The following PITX1 variants were observed in gnomAD, a reference collection of about 807,000 sequenced individuals.
The protein encoded by PITX1 is pituitary homeobox 1.
Under a neutral mutation model 24.1 loss-of-function variants are expected in PITX1, and 5 were observed. The ratio of observed to expected loss-of-function variants is 0.21; its 90% CI spans 0.11 to 0.44. The LOEUF is 0.44. Among genes scored for constraint, PITX1 ranks in the 20% least tolerant of loss-of-function variants. The pLI, the probability that PITX1 is intolerant of heterozygous loss-of-function variation, is 0.99. For missense variants in PITX1, 401 were observed against 455.4 expected (o/e 0.88, Z 1.09); for synonymous variants, 213 against 208.9 (o/e 1.02, Z -0.17).
At position 135,028,724 on chromosome 5, in the gene PITX1, C is replaced by T. The variant is rs1752394951; in HGVS notation, c.*55G>A. On this transcript the variant is annotated 3_prime_UTR_variant, in exon 3 of 3. Transcript: ENST00000265340. The stretch of plus-strand genomic sequence containing the variant: ...GGGCCCCGCGTGCGTCCTCCGCGCC[C>T]GCGCCCGCGCCCTTCCCCGCTCCGG... The T allele has an allele frequency of 2.3e-6, 3 of 1,278,532 alleles. No individual in the cohort carries two copies. The highest frequency in any genetic ancestry group is 2.0e-6 in the Non-Finnish European group (2 of 1,006,196). The allele number at this position is 1,278,532 out of a possible 1,614,324, so 79.2% of individuals were successfully genotyped here. A position where few individuals can be genotyped will look rare whatever the true frequency, so the allele number is the denominator to read the frequency against.
At position 135,031,287 on chromosome 5, in the gene PITX1, G is replaced by A. The variant is rs1200875885; in HGVS notation, c.391C>T (p.Pro131Ser). The part of the protein sequence containing the change: ...EIAVWTNLTE[P>S]RVRVWFKNRR... ...CACCCCTTGCTCACCCGCACGCGCG[G>A]CTCGGTGAGGTTGGTCCACACGGCG... The change falls in exon 2 of 3, where the codon CCG becomes TCG. Residue 131 changes from proline to serine, a missense_variant. Pro to Ser is a moderately conservative substitution (Grantham distance 74, BLOSUM62 -1). Coordinates refer to ENST00000265340, the MANE Select transcript of PITX1 (RefSeq NM_002653.5). 5 of 1,613,808 alleles carry A rather than the reference G, an allele frequency of 3.1e-6. No homozygotes were observed. Among genetic ancestry groups the A allele is most frequent in the African/African-American group, 2.7e-5 (2 of 74,936 alleles).
chr5:135,033,836 C>G lies in PITX1; in HGVS notation c.46G>C (p.Gly16Arg). The change falls in exon 1 of 3, where the codon GGG (glycine) becomes CGG (arginine). Residue 16 changes from glycine (G) to arginine (R), a missense_variant. By Grantham distance (125) the Gly-to-Arg change is moderately radical. Transcript: ENST00000265340. This position sits in a 1 kb window ranked among gnomAD's most constrained non-coding sequence, Gnocchi z 5.9. Reference sequence around the variant, plus strand: ...GGTGGCGGCGGCGGCGGCCGGAGCCCCTCCGGCAGCCGCTCCAGGCTCATG... The same window carrying G: ...GGTGGCGGCGGCGGCGGCCGGAGCCGCTCCGGCAGCCGCTCCAGGCTCATG... ...GGMSLERLPE[G>R]LRPPPPPPHD... 6.6e-7 allele frequency: 1 copy of G among 1,516,668 alleles called. No homozygotes were observed. The allele number at this position is 1,516,668 out of a possible 1,614,324, so 94.0% of individuals were successfully genotyped here.
intron 1 of PITX1, 78 bp from the exon 2 acceptor site, chr5:135,031,586 C>T: frequency 8.5e-7 from 1 of 1,177,386 alleles, no homozygotes; most frequent in Non-Finnish European, 1.2e-6. Flanking sequence ...CCGAACCGCT[C>T]GCCACCAGCG....
chr5:135,032,417 G>C (rs1752470161), intron 1 of PITX1, among the ~76,000 whole-genome samples: 1 of 152,112 alleles, frequency 6.6e-6, no homozygotes, highest in South Asian at 2.1e-4. Context: ...TTCCCAATAA[G>C]GCCCTTGTAG....
chr5:135,034,313 G>A (rs1410915555), upstream of PITX1: 1 of 151,756 alleles, frequency 6.6e-6, no homozygotes. Flanking sequence ...AGGGGGCTGG[G>A]GAGGGAGCGA....
Position 135,033,563 on chromosome 5 carries a change from A to G in PITX1, c.169+150T>C. The G allele has an allele frequency of 1.3e-6, 1 of 792,554 alleles. No homozygotes were observed. The highest frequency in any genetic ancestry group is 2.0e-6 in the Non-Finnish European group (1 of 502,870). 49.1% of individuals were successfully genotyped at this position (792,554 alleles called of 1,614,324 possible). A position where few individuals can be genotyped will look rare whatever the true frequency, so the allele number is the denominator to read the frequency against. On this transcript the variant is annotated intron_variant, in intron 1 of 2. Transcript: ENST00000265340. This position sits in a 1 kb window ranked among gnomAD's most constrained non-coding sequence, Gnocchi z 5.9. The stretch of plus-strand genomic sequence containing the variant: ...TGCGTAAGTTTCCGCGTTCACCGTC[A>G]GGTCGAGAACGGGAAAAAGAAAGCT...
Position 135,033,544 on chromosome 5 carries a change from A to T in PITX1, c.169+169T>A. 1.4e-6 allele frequency: 1 copy of T among 700,558 alleles called. No individual in the cohort carries two copies. Among genetic ancestry groups the T allele is most frequent in the Non-Finnish European group, 2.3e-6 (1 of 426,638 alleles). 43.4% of individuals were successfully genotyped at this position (700,558 alleles called of 1,614,324 possible). A position where few individuals can be genotyped will look rare whatever the true frequency, so the allele number is the denominator to read the frequency against. Reference sequence around the variant, plus strand: ...GTGGAAGTGCCTTCGCGTGTGCGTAAGTTTCCGCGTTCACCGTCAGGTCGA... The same window carrying T: ...GTGGAAGTGCCTTCGCGTGTGCGTATGTTTCCGCGTTCACCGTCAGGTCGA... On this transcript the variant is annotated intron_variant, in intron 1 of 2. Transcript: ENST00000265340. This position sits in a 1 kb window ranked among gnomAD's most constrained non-coding sequence, Gnocchi z 5.9.
rs1165079192 is a variant in PITX1 at position 135,028,670 on chromosome 5, CGGCGCGGTGAGCTGG to C, written c.*94_*108del. ...GGGGGCTGCGCAGGTGTGAGGTCCGCGGCGCGGTGAGCTGGGGCTTGCGAGCCGGGGCCCCGCGTG... is the reference window on the plus strand; with the variant it reads ...GGGGGCTGCGCAGGTGTGAGGTCCGCGGCTTGCGAGCCGGGGCCCCGCGTG... On this transcript the variant is annotated 3_prime_UTR_variant, in exon 3 of 3. Transcript: ENST00000265340. The C allele has an allele frequency of 2.8e-6, 2 of 716,042 alleles. No individual in the cohort carries two copies. Among genetic ancestry groups the C allele is most frequent in the Non-Finnish European group, 3.8e-6 (2 of 532,478 alleles). 44.4% of individuals were successfully genotyped at this position (716,042 alleles called of 1,614,324 possible). A position where few individuals can be genotyped will look rare whatever the true frequency, so the allele number is the denominator to read the frequency against.
Position 135,033,665 on chromosome 5 carries a change from C to G in PITX1, c.169+48G>C. The G allele has an allele frequency of 6.3e-7, 1 of 1,578,688 alleles. No individual in the cohort carries two copies. The highest frequency in any genetic ancestry group is 1.7e-5 in the Admixed American group (1 of 59,020). ...GGCCCTGCTCCCAGCTCCCCGTGCT[C>G]CGCGCCCGGGTAGGCTCTGTGCGCG... On this transcript the variant is annotated intron_variant, in intron 1 of 2. Coordinates refer to ENST00000265340, the MANE Select transcript of PITX1 (RefSeq NM_002653.5). The surrounding 1 kb of genome is among the most constrained non-coding windows in gnomAD (Gnocchi z 5.9).
rs1255871844 is a variant in PITX1, at chr5:135,029,134, TTGG to T, written c.587_589del (p.Thr196del). 5.6e-6 allele frequency: 9 copies of T among 1,614,110 alleles called. No individual in the cohort carries two copies. The highest frequency in any genetic ancestry group is 6.8e-6 in the Non-Finnish European group (8 of 1,180,044). On this transcript the variant is annotated inframe_deletion, in exon 3 of 3. Coordinates refer to ENST00000265340, the MANE Select transcript of PITX1 (RefSeq NM_002653.5). ...CATGGAGTTGAAGAAGGTGAAGCTC[TTGG>T]TGGAGAGCGGCGCTGGCGCCAGGCT...
chr5:135,029,121 G>A lies in PITX1; in HGVS notation c.603C>T (p.Phe201=), dbSNP rs778529455. 5.0e-6 allele frequency: 8 copies of A among 1,614,258 alleles called. No homozygotes were observed. The South Asian group carries it at 8.8e-5, about 18-fold the overall frequency. The part of the protein sequence containing the change: ...PAPLSTKSFT[F]FNSMSPLSSQ... ...ACGACAGCGGGCTCATGGAGTTGAAGAAGGTGAAGCTCTTGGTGGAGAGCG... is the reference window on the plus strand; with the variant it reads ...ACGACAGCGGGCTCATGGAGTTGAAAAAGGTGAAGCTCTTGGTGGAGAGCG... The change falls in exon 3 of 3, where the codon TTC becomes TTT. Residue 201 remains phenylalanine, a synonymous_variant. Transcript: ENST00000265340.
rs758332384 is a variant in PITX1 at position 135,033,808 on chromosome 5, T to C, written c.74A>G (p.His25Arg). 1.3e-6 allele frequency: 2 copies of C among 1,564,358 alleles called. No individual in the cohort carries two copies. The highest frequency in any genetic ancestry group is 1.7e-6 in the Non-Finnish European group (2 of 1,164,252). ...EGLRPPPPPP[H>R]DMGPAFHLAR... ...CAGGTGGAAGGCGGGCCCCATGTCATGGGGTGGCGGCGGCGGCGGCCGGAG... is the reference window on the plus strand; with the variant it reads ...CAGGTGGAAGGCGGGCCCCATGTCACGGGGTGGCGGCGGCGGCGGCCGGAG... Residue 25 changes from histidine (H) to arginine (R), a missense_variant, in exon 1 of 3, where the codon CAT (histidine) becomes CGT (arginine). By Grantham distance (29) the His-to-Arg change is conservative. Around this residue, in one of 3 missense-constraint regions of PITX1, gnomAD observed 136 missense variants for 133.3 expected, o/e 1.02. Coordinates refer to ENST00000265340, the MANE Select transcript of PITX1 (RefSeq NM_002653.5). This position sits in a 1 kb window ranked among gnomAD's most constrained non-coding sequence, Gnocchi z 5.9.
At position 135,028,781 on chromosome 5, in the gene PITX1, A is replaced by T; in HGVS notation, c.943T>A (p.Ter315ArgextTer120). The T allele has an allele frequency of 6.4e-7, 1 of 1,573,748 alleles. No individual in the cohort carries two copies. ...SGLNACQYNS[*>R] Reference sequence around the variant, plus strand: ...GCCCGCGTGGTGCGGCGGGGCGGTCAGCTGTTGTACTGGCACGCGTTGAGG... The same window carrying T: ...GCCCGCGTGGTGCGGCGGGGCGGTCTGCTGTTGTACTGGCACGCGTTGAGG... The change falls in exon 3 of 3, where the codon TGA (stop) becomes AGA (arginine). Residue 315 changes from the stop codon to arginine (R), a stop_lost. Transcript: ENST00000265340.
intron 1 of PITX1, among the ~76,000 whole-genome samples, chr5:135,032,334 C>T (rs1048994696): frequency 2.0e-5 from 3 of 152,098 alleles, no homozygotes; most frequent in East Asian, 3.8e-4. Context: ...GTATAAACTC[C>T]AGGTTGACAG....
chr5:135,028,742 C>G lies in PITX1; in HGVS notation c.*37G>C, dbSNP rs746594563. On this transcript the variant is annotated 3_prime_UTR_variant, in exon 3 of 3. Coordinates refer to ENST00000265340, the MANE Select transcript of PITX1 (RefSeq NM_002653.5). ...CCGCGCCCGCGCCCGCGCCCTTCCC[C>G]GCTCCGGCCGCCGGCCCGCGTGGTG... 3 of 1,470,404 alleles carry G rather than the reference C, an allele frequency of 2.0e-6. No individual in the cohort carries two copies. The highest frequency in any genetic ancestry group is 2.8e-5 in the African/African-American group (2 of 70,824). 91.1% of individuals were successfully genotyped at this position (1,470,404 alleles called of 1,614,324 possible).
rs1198984455 is a variant in PITX1, at chr5:135,033,691, C to T, written c.169+22G>A. On this transcript the variant is annotated intron_variant, in intron 1 of 2. Transcript: ENST00000265340. The surrounding 1 kb of genome is among the most constrained non-coding windows in gnomAD (Gnocchi z 5.9). Reference sequence around the variant, plus strand: ...CGCGCCCGGGTAGGCTCTGTGCGCGCCGCGCGGGGAACGGCGCTTACCTGG... The same window carrying T: ...CGCGCCCGGGTAGGCTCTGTGCGCGTCGCGCGGGGAACGGCGCTTACCTGG... The T allele has an allele frequency of 3.8e-6, 6 of 1,592,598 alleles. No individual in the cohort carries two copies. The highest frequency in any genetic ancestry group is 1.3e-5 in the African/African-American group (1 of 74,404).
rs758619015 is a variant in PITX1, at chr5:135,033,665, C to T, written c.169+48G>A. The stretch of plus-strand genomic sequence containing the variant: ...GGCCCTGCTCCCAGCTCCCCGTGCT[C>T]CGCGCCCGGGTAGGCTCTGTGCGCG... On this transcript the variant is annotated intron_variant, in intron 1 of 2. Coordinates refer to ENST00000265340, the MANE Select transcript of PITX1 (RefSeq NM_002653.5). The surrounding 1 kb of genome is among the most constrained non-coding windows in gnomAD (Gnocchi z 5.9). 5.1e-6 allele frequency: 8 copies of T among 1,578,570 alleles called. No homozygotes were observed. The highest frequency in any genetic ancestry group is 6.9e-6 in the Non-Finnish European group (8 of 1,167,772).
rs1752506598 is a variant in PITX1 at position 135,033,681 on chromosome 5, T to C, written c.169+32A>G. The C allele has an allele frequency of 6.3e-7, 1 of 1,589,988 alleles. No individual in the cohort carries two copies. Among genetic ancestry groups the C allele is most frequent in the Non-Finnish European group, 8.5e-7 (1 of 1,175,220 alleles). ...CCCCGTGCTCCGCGCCCGGGTAGGC[T>C]CTGTGCGCGCCGCGCGGGGAACGGC... On this transcript the variant is annotated intron_variant, in intron 1 of 2. Transcript: ENST00000265340. This position sits in a 1 kb window ranked among gnomAD's most constrained non-coding sequence, Gnocchi z 5.9.
Position 135,031,557 on chromosome 5 carries a change from G to A in PITX1, c.170-49C>T, listed in dbSNP as rs914105026. 6.1e-6 allele frequency: 9 copies of A among 1,475,040 alleles called. No individual in the cohort carries two copies. In the African/African-American group the frequency reaches 8.4e-5, roughly 14 times the overall value. 91.4% of individuals were successfully genotyped at this position (1,475,040 alleles called of 1,614,324 possible). On this transcript the variant is annotated intron_variant, in intron 1 of 2. Coordinates refer to ENST00000265340, the MANE Select transcript of PITX1 (RefSeq NM_002653.5). ...GGGTCACCTGGGCTTACGCCCCGTT[G>A]CACCCCGTCCCGGCTCCACCGAACC... is the stretch of plus-strand genomic sequence containing the variant.
Sources: gnomAD v4.1 joint callset for allele counts (sites outside exome capture counted in the v4.1 genomes callset) on GRCh38, gnomAD v4.1.1 for gene constraint, gnomAD v4.1.1 regional missense constraint, Gnocchi (gnomAD v3.1) non-coding constraint, MANE v1.5 for transcripts, NCBI Gene and HGNC (gene_info 2026-07-23, HGNC 2026-07-21) for gene names.